MERTK: variants seen among roughly 807,000 people sequenced by gnomAD.
MERTK encodes tyrosine-protein kinase Mer.
A neutral mutation model predicts 99.3 loss-of-function variants in MERTK; 69 were observed. The observed-to-expected ratio is 0.70, with a 90% CI of 0.57 to 0.85. The LOEUF is 0.85. Among genes scored for constraint, MERTK ranks in the 40% least tolerant of loss-of-function variants. The pLI is 0.00. For missense variants in MERTK, 1,125 were observed against 1,249.4 expected (o/e 0.90, Z 1.50); for synonymous variants, 426 against 467.6 (o/e 0.91, Z 1.15).
intron 18 of MERTK, chr2:112,028,063 C>G (rs6723289): frequency 2.3e-6 from 1 of 443,924 alleles, no homozygotes. Flanking sequence ...ATAGTTTGCC[C>G]GCCGCCATAT....
chr2:112,022,958 AGTGGGCCCAGAAATGT>A (rs1677387408), intron 18 of MERTK, among the ~76,000 whole-genome samples: 1 of 152,008 alleles, frequency 6.6e-6, no homozygotes, highest in African/African-American at 2.4e-5. Flanking sequence ...TTCGGTACAA[AGTGGGCCCAGAAATGT>A]GTGTTTTAGA....
At chr2:111,973,433 G>A (rs996253859) in intron 6 of MERTK, among the ~76,000 whole-genome samples, 2 of 151,526 alleles carry the variant, frequency 1.3e-5, no homozygotes, top group African/African-American at 4.9e-5. Flanking sequence ...TGTCACCCAC[G>A]GGGTCTGAGT....
intron 4 of MERTK, among the ~76,000 whole-genome samples, chr2:111,956,667 T>G (rs2104713429): frequency 6.6e-6 from 1 of 152,298 alleles, no homozygotes. Context: ...AGTTTTGTTG[T>G]TGTTGTGTTT....
intron 2 of MERTK, among the ~76,000 whole-genome samples, chr2:111,935,624 A>T (rs1488661693): frequency 6.8e-6 from 1 of 147,462 alleles, no homozygotes. Flanking sequence ...TTTTTAAACT[A>T]CTTGGTCTTG....
At chr2:111,990,964 G>C (rs952479301) in intron 8 of MERTK, among the ~76,000 whole-genome samples, 1 of 152,194 alleles carries the variant, frequency 6.6e-6, no homozygotes, top group African/African-American at 2.4e-5. Context: ...TCATAAGTGA[G>C]GTATCATATT....
intron 15 of MERTK, among the ~76,000 whole-genome samples, chr2:112,016,905 C>T (rs1677227745): frequency 6.6e-6 from 1 of 152,190 alleles, no homozygotes; most frequent in African/African-American, 2.4e-5. Flanking sequence ...TTGGTTCCTT[C>T]TGGTGGGTTC....
intron 15 of MERTK, among the ~76,000 whole-genome samples, chr2:112,013,820 TCA>T (rs1677157081): frequency 6.6e-6 from 1 of 151,376 alleles, no homozygotes; most frequent in African/African-American, 2.4e-5. Context: ...GTGATTTTAC[TCA>T]CATTTAATTT....
Position 112,003,121 on chromosome 2 carries a change from CA to C in MERTK, c.1724del (p.Asn575IlefsTer3), listed in dbSNP as rs1187387547. 2.5e-6 allele frequency: 4 copies of C among 1,599,026 alleles called. No homozygotes were observed. The highest frequency in any genetic ancestry group is 3.4e-6 in the Non-Finnish European group (4 of 1,166,662). ...LHSLGVSEEL[Q>X]NKLEDVVIDR... Reference sequence around the variant, plus strand: ...TAGCTTGGGAGTCAGTGAGGAACTACAAAATAAACTAGAAGATGTTGTGATT... The same window carrying C: ...TAGCTTGGGAGTCAGTGAGGAACTACAAATAAACTAGAAGATGTTGTGATT... On this transcript the variant is annotated frameshift_variant, in exon 12 of 19. Transcript: ENST00000295408. LOFTEE classifies it high-confidence loss of function.
At position 111,938,243 on chromosome 2, in the gene MERTK, T is replaced by G. The variant is rs940300622; in HGVS notation, c.483-6717T>G. ...AGGCATGAGCCACTGTACCTAGCTG[T>G]TTTTTGTTTGTTTGTTGTTTGTTTT... On this transcript the variant is annotated intron_variant, in intron 2 of 18. Coordinates refer to ENST00000295408, the MANE Select transcript of MERTK (RefSeq NM_006343.3). Among the ~76,000 whole-genome samples the G allele has an allele frequency of 1.4e-4, 18 of 129,340 alleles. No individual in the cohort carries two copies. In the Admixed American group the frequency reaches 1.4e-3, roughly 10 times the overall value. 84.9% of individuals were successfully genotyped at this position (129,340 alleles called of 152,430 possible).
In MERTK at chr2:112,001,292, T is replaced by C; in HGVS notation, c.1690+6T>C. On this transcript the variant is annotated splice_donor_region_variant and intron_variant, in intron 11 of 18. Transcript: ENST00000295408. ...GCGAGCCATTGAACTTACCTGTAAG[T>C]TGACTTTCATTTCCCTTTTTGGCAA... The C allele has an allele frequency of 6.2e-7, 1 of 1,606,056 alleles. No homozygotes were observed. The highest frequency in any genetic ancestry group is 1.3e-5 in the African/African-American group (1 of 74,818).
chr2:112,022,415 C>G, intron 18 of MERTK, 21 bp downstream of exon 18: 1 of 1,614,194 alleles, frequency 6.2e-7, no homozygotes, highest in Non-Finnish European at 8.5e-7. Flanking sequence ...TTCTCTGTCT[C>G]CCTTCCATAC....
In MERTK at chr2:112,019,669, T is replaced by C. The variant is rs553611526; in HGVS notation, c.2189+147T>C. 4.5e-5 allele frequency: 33 copies of C among 728,328 alleles called. No homozygotes were observed. The East Asian group carries it at 7.2e-4, about 16-fold the overall frequency. The allele number at this position is 728,328 out of a possible 1,614,324, so 45.1% of individuals were successfully genotyped here. A position where few individuals can be genotyped will look rare whatever the true frequency, so the allele number is the denominator to read the frequency against. On this transcript the variant is annotated intron_variant, in intron 16 of 18. Coordinates refer to ENST00000295408, the MANE Select transcript of MERTK (RefSeq NM_006343.3). ...GTGGCTTGCTCCGAAGATGGAAATA[T>C]GGCTGGGTGTTTGGGAGTTTTCACT...
intron 4 of MERTK, among the ~76,000 whole-genome samples, chr2:111,948,255 T>G (rs890645688): frequency 2.6e-5 from 4 of 152,210 alleles, no homozygotes; most frequent in Non-Finnish European, 4.4e-5. Flanking sequence ...GGACACAGCG[T>G]GGACTTTTGG....
rs549907947 is a variant in MERTK, at chr2:111,925,522, C to T, written c.62-3598C>T. On this transcript the variant is annotated intron_variant, in intron 1 of 18. Transcript: ENST00000295408. ...TTCACCATGTTGGCCAGGCTTGTCT[C>T]GAACTCCTGACCTCAGGTGATCCAC... 9.2e-4 allele frequency among the ~76,000 whole-genome samples: 140 copies of T among 151,388 alleles called. 1 individual carries two copies. The highest frequency in any genetic ancestry group is 3.1e-3 in the African/African-American group (127 of 41,220).
intron 1 of MERTK, among the ~76,000 whole-genome samples, chr2:111,928,660 A>G (rs1007059761): frequency 6.6e-6 from 1 of 152,010 alleles, no homozygotes; most frequent in East Asian, 1.9e-4. Flanking sequence ...TAATTTTTGT[A>G]TTTTTAGTAG....
intron 2 of MERTK, among the ~76,000 whole-genome samples, chr2:111,929,843 C>T (rs947515641): frequency 6.6e-5 from 10 of 151,928 alleles, no homozygotes; most frequent in East Asian, 1.9e-4. Flanking sequence ...TTGGGTGATC[C>T]GGCCACCTAG....
At position 112,022,276 on chromosome 2, in the gene MERTK, A is replaced by G. The variant is rs138971326; in HGVS notation, c.2368A>G (p.Met790Val). The change falls in exon 18 of 19, where the codon ATG becomes GTG. Residue 790 changes from methionine to valine, a missense_variant. Transcript: ENST00000295408. ...KSDVWAFGVT[M>V]WEIATRGMTP... The stretch of plus-strand genomic sequence containing the variant: ...TTCCCAGTGGGCATTTGGCGTGACC[A>G]TGTGGGAAATAGCTACGCGGGGAAT... The G allele has an allele frequency of 5.8e-5, 94 of 1,614,104 alleles. No individual in the cohort carries two copies. Among genetic ancestry groups the G allele is most frequent in the Non-Finnish European group, 7.0e-5 (83 of 1,180,044 alleles).
At position 111,994,361 on chromosome 2, in the gene MERTK, TG is replaced by T; in HGVS notation, c.1410del (p.Phe472SerfsTer5). 1 of 1,614,134 alleles carries T rather than the reference TG, an allele frequency of 6.2e-7. No individual in the cohort carries two copies. The highest frequency in any genetic ancestry group is 8.5e-7 in the Non-Finnish European group (1 of 1,180,026). On this transcript the variant is annotated frameshift_variant, in exon 9 of 19. Transcript: ENST00000295408. LOFTEE classifies it high-confidence loss of function. ...TTGCAGCCGTCACCAGAGGGGGAGT[TG>T]GGCCCTTCAGTGATCCAGTGAAAAT... is the stretch of plus-strand genomic sequence containing the variant. ...RIAAVTRGGV[G>X]PFSDPVKIFI...
At position 111,929,277 on chromosome 2, in the gene MERTK, A is replaced by G; in HGVS notation, c.219A>G (p.Pro73=). 1 of 1,614,224 alleles carries G rather than the reference A, an allele frequency of 6.2e-7. No individual in the cohort carries two copies. The part of the protein sequence containing the change: ...LMFSPTQPGR[P]HTGNVAIPQV... ...TTTCACCAACCCAGCCTGGAAGACCACATACAGGAAACGTAGCCATTCCCC... is the reference window on the plus strand; with the variant it reads ...TTTCACCAACCCAGCCTGGAAGACCGCATACAGGAAACGTAGCCATTCCCC... The change falls in exon 2 of 19, where the codon CCA becomes CCG. Residue 73 remains proline, a synonymous_variant. Transcript: ENST00000295408.
Sources: allele counts gnomAD v4.1 joint callset (sites outside exome capture counted in the v4.1 genomes callset), GRCh38; gene constraint gnomAD v4.1.1; transcripts MANE v1.5; gene names NCBI Gene and HGNC (gene_info 2026-07-23, HGNC 2026-07-21).